GSN: variants seen among roughly 807,000 people sequenced by gnomAD.
GSN encodes actin-depolymerizing factor.
Under a neutral mutation model 85.7 loss-of-function variants are expected in GSN, and 56 were observed. The observed-to-expected ratio is 0.65, with a 90% CI of 0.53 to 0.82. The LOEUF (loss-of-function observed/expected upper bound fraction) is 0.82, where lower values mean the gene tolerates loss of function less well. Ranked by LOEUF, GSN falls within the 40% of genes least tolerant of loss-of-function variation. GSN has a pLI of 0.00. For missense variants in GSN, 857 were observed against 979.8 expected (o/e 0.87, Z 1.67); for synonymous variants, 373 against 399.1 (o/e 0.93, Z 0.78).
intron 5 of GSN, chr9:121,238,986 A>G: frequency 1.9e-6 from 1 of 524,000 alleles, no homozygotes; most frequent in East Asian, 5.4e-5. Context: ...TAGGTGGGTA[A>G]ATCTCTCTCT....
At chr9:121,209,793 C>T (rs1229248083) in intron 2 of GSN, among the ~76,000 whole-genome samples, 1 of 152,122 alleles carries the variant, frequency 6.6e-6, no homozygotes, top group Non-Finnish European at 1.5e-5. Context: ...GCAGTTTCCC[C>T]AAGTAAGTTA....
Position 121,332,153 on chromosome 9 carries a change from A to G in GSN, c.2027-281A>G, listed in dbSNP as rs1038626248. Among the ~76,000 whole-genome samples, 2 of 152,188 alleles carry G rather than the reference A, an allele frequency of 1.3e-5. No individual in the cohort carries two copies. Among genetic ancestry groups the G allele is most frequent in the African/African-American group, 4.8e-5 (2 of 41,436 alleles). On this transcript the variant is annotated intron_variant, in intron 17 of 17. Coordinates refer to ENST00000432226, the MANE Select transcript of GSN (RefSeq NM_198252.3). The surrounding 1 kb of genome is among the most constrained non-coding windows in gnomAD (Gnocchi z 4.8). Reference sequence around the variant, plus strand: ...TGGGAACCCAAAAGTTGGTTCCCATATCTTCCAGTAGGGGACTGCAAGGGA... The same window carrying G: ...TGGGAACCCAAAAGTTGGTTCCCATGTCTTCCAGTAGGGGACTGCAAGGGA...
At chr9:121,252,798 G>A (rs1408444997) in intron 6 of GSN, among the ~76,000 whole-genome samples, 1 of 152,138 alleles carries the variant, frequency 6.6e-6, no homozygotes, top group Non-Finnish European at 1.5e-5. Context: ...GGATTTCGGG[G>A]GGGCAATTTG....
intron 5 of GSN, chr9:121,311,703 AC>A (rs2061169446): frequency 6.6e-6 from 1 of 152,384 alleles, no homozygotes; most frequent in Admixed American, 6.5e-5. Context: ...TAGACACGGA[AC>A]CTTGTTCTTT....
upstream of GSN, among the ~76,000 whole-genome samples, chr9:121,205,293 C>T (rs376650927): frequency 8.5e-5 from 13 of 152,218 alleles, no homozygotes; most frequent in East Asian, 1.9e-4. Flanking sequence ...TGGAAAGAGA[C>T]GCCTTCTTTC....
At chr9:121,240,263 C>A (rs909122330) in intron 5 of GSN, among the ~76,000 whole-genome samples, 1 of 152,198 alleles carries the variant, frequency 6.6e-6, no homozygotes, top group Non-Finnish European at 1.5e-5. Flanking sequence ...ATTAAGGTTG[C>A]ATTCAGACAT....
upstream of GSN, among the ~76,000 whole-genome samples, chr9:121,263,941 AC>A (rs1485832631): frequency 6.6e-6 from 1 of 151,482 alleles, no homozygotes; most frequent in African/African-American, 2.4e-5. Flanking sequence ...CATCATGAGA[AC>A]GGCATGGGGG....
At chr9:121,302,215 G>C in intron 3 of GSN, 48 bp downstream of exon 3, 1 of 1,601,648 alleles carries the variant, frequency 6.2e-7, no homozygotes, top group Non-Finnish European at 8.5e-7. Flanking sequence ...ATTCTGAACA[G>C]TGCAGACCTT....
Position 121,318,913 on chromosome 9 carries a change from G to T in GSN, c.1191+33G>T. On this transcript the variant is annotated intron_variant, in intron 10 of 17. Coordinates refer to ENST00000432226, the MANE Select transcript of GSN (RefSeq NM_198252.3). The surrounding 1 kb of genome is among the most constrained non-coding windows in gnomAD (Gnocchi z 4.3). ...TAGGGCGTGGGGTGGGTGTGTCCAG[G>T]CCCCTCCCTCACTTTCCCCATGCAC... 1 of 1,538,572 alleles carries T rather than the reference G, an allele frequency of 6.5e-7. No individual in the cohort carries two copies. The highest frequency in any genetic ancestry group is 1.1e-5 in the South Asian group (1 of 89,558).
intron 6 of GSN, among the ~76,000 whole-genome samples, chr9:121,255,844 G>A (rs2054946154): frequency 6.6e-6 from 1 of 152,132 alleles, no homozygotes. Flanking sequence ...AATTCCTGGG[G>A]GTGGAACTGC....
rs557506583 is a variant in GSN at position 121,332,678 on chromosome 9, G to A, written c.*75G>A. On this transcript the variant is annotated 3_prime_UTR_variant, in exon 18 of 18. Coordinates refer to ENST00000432226, the MANE Select transcript of GSN (RefSeq NM_198252.3). The surrounding 1 kb of genome is among the most constrained non-coding windows in gnomAD (Gnocchi z 4.8). The stretch of plus-strand genomic sequence containing the variant: ...CCTTCCCTCAAAGAGGCCTTAGAGC[G>A]AGCAGAGCAGCTCTGCTATGAGTGT... The A allele has an allele frequency of 4.7e-5, 54 of 1,141,702 alleles. No homozygotes were observed. The African/African-American group carries it at 7.0e-4, about 15-fold the overall frequency. 70.7% of individuals were successfully genotyped at this position (1,141,702 alleles called of 1,614,324 possible). A position where few individuals can be genotyped will look rare whatever the true frequency, so the allele number is the denominator to read the frequency against.
Position 121,299,508 on chromosome 9 carries a change from T to G in GSN, c.-9-2455T>G. 4 of 981,966 alleles carry G rather than the reference T, an allele frequency of 4.1e-6. No individual in the cohort carries two copies. Among genetic ancestry groups the G allele is most frequent in the Non-Finnish European group, 4.8e-6 (4 of 826,748 alleles). 60.8% of individuals were successfully genotyped at this position (981,966 alleles called of 1,614,324 possible). On this transcript the variant is annotated intron_variant, in intron 2 of 17. Coordinates refer to ENST00000432226, the MANE Select transcript of GSN (RefSeq NM_198252.3). The surrounding 1 kb of genome is among the most constrained non-coding windows in gnomAD (Gnocchi z 4.2). Reference sequence around the variant, plus strand: ...AAAAATTGTTAGTTCATGTTATTTTTTTGCTGGAGGTGTTAGGTGCGGAGA... The same window carrying G: ...AAAAATTGTTAGTTCATGTTATTTTGTTGCTGGAGGTGTTAGGTGCGGAGA...
At position 121,311,360 on chromosome 9, in the gene GSN, G is replaced by A. The variant is rs10985202; in HGVS notation, c.513+515G>A. The A allele has an allele frequency of 1.1e-3, 194 of 176,990 alleles. 1 individual carries two copies. The East Asian group carries it at 0.022, about 20-fold the overall frequency. 11.0% of individuals were successfully genotyped at this position (176,990 alleles called of 1,614,324 possible). ...CACTTGTCTCACAAATCCCTGGAGC[G>A]CAGACCTGCAAATGGACACGGCCCT... On this transcript the variant is annotated intron_variant, in intron 5 of 17. Coordinates refer to ENST00000432226, the MANE Select transcript of GSN (RefSeq NM_198252.3).
At chr9:121,273,477 C>A (rs528424688) in intron 1 of GSN, among the ~76,000 whole-genome samples, 15 of 151,930 alleles carry the variant, frequency 9.9e-5, no homozygotes, top group African/African-American at 3.6e-4. Flanking sequence ...TTCCCCCCAC[C>A]CTTATTATTT....
chr9:121,285,677 C>T (rs1408795047), intron 2 of GSN: 1 of 170,900 alleles, frequency 5.9e-6, no homozygotes, highest in Non-Finnish European at 1.3e-5. Flanking sequence ...TGAACCTGTT[C>T]ATTTCTCCCT....
chr9:121,281,947 T>G (rs1469440026), intron 2 of GSN: 3 of 471,516 alleles, frequency 6.4e-6, no homozygotes, highest in Admixed American at 4.7e-5. Context: ...CCAGAGGCTT[T>G]GGAGAGGTGA....
chr9:121,234,389 C>A (rs1356053798), intron 5 of GSN, among the ~76,000 whole-genome samples: 3 of 152,204 alleles, frequency 2.0e-5, no homozygotes, highest in Non-Finnish European at 4.4e-5. Flanking sequence ...GGGATGCTGA[C>A]TCACAGCACC....
At chr9:121,207,590 A>G (rs1342946635), upstream of GSN, among the ~76,000 whole-genome samples, 1 of 152,222 alleles carries the variant, frequency 6.6e-6, no homozygotes, top group South Asian at 2.1e-4. Context: ...GACCCATGGA[A>G]GGTCATCTCC....
chr9:121,254,238 A>G (rs532700555), intron 6 of GSN, among the ~76,000 whole-genome samples: 3 of 152,346 alleles, frequency 2.0e-5, no homozygotes, highest in South Asian at 4.1e-4. Context: ...GGAAGCAACT[A>G]CAAAACAGCT....
Sources: allele counts gnomAD v4.1 joint callset (sites outside exome capture counted in the v4.1 genomes callset), GRCh38; gene constraint gnomAD v4.1.1; non-coding constraint Gnocchi (gnomAD v3.1); transcripts MANE v1.5; gene names NCBI Gene and HGNC (gene_info 2026-07-23, HGNC 2026-07-21).